Variants in RUNX2 observed in about 807,000 individuals in gnomAD.
The protein encoded by RUNX2 is RUNX family transcription factor 2, also known as runt-related transcription factor 2.
RUNX2 carries 10 observed loss-of-function variants against 51.7 expected under a neutral mutation model. That is an observed-to-expected ratio of 0.19 (90% confidence interval 0.12 to 0.33). The LOEUF is 0.33. Among genes scored for constraint, RUNX2 ranks in the 10% least tolerant of loss-of-function variants. The pLI is 1.00. For missense variants in RUNX2, 562 were observed against 691.3 expected, an observed-to-expected ratio of 0.81 and a Z score of 2.10; for synonymous variants, 276 against 273.6, an observed-to-expected ratio of 1.01 and a Z score of -0.09.
chr6:45,463,463 G>A (rs758612620), intron 5 of RUNX2, among the ~76,000 whole-genome samples: 2 of 152,176 alleles, frequency 1.3e-5, no homozygotes, highest in African/African-American at 2.4e-5. Flanking sequence ...CTTTCTAGCT[G>A]GGGAGAAAAA....
At position 45,419,286 on chromosome 6, in the gene RUNX2, G is replaced by A. The variant is rs558284768; in HGVS notation, c.59-3307G>A. Among the ~76,000 whole-genome samples the A allele has an allele frequency of 3.0e-4, 46 of 152,202 alleles. No individual in the cohort carries two copies. In the South Asian group the frequency reaches 9.5e-3, roughly 32 times the overall value. ...ACCATGGTAGTTATGGAATTTTGGT[G>A]TCACTTTTACCATAGAAATAATCAA... is the stretch of plus-strand genomic sequence containing the variant. On this transcript the variant is annotated intron_variant, in intron 2 of 8. Transcript: ENST00000647337.
chr6:45,450,791 T>C (rs1799147506), intron 5 of RUNX2, among the ~76,000 whole-genome samples: 1 of 152,104 alleles, frequency 6.6e-6, no homozygotes, highest in Non-Finnish European at 1.5e-5. Flanking sequence ...AATATCTAAT[T>C]TTGCAAGGTG....
intron 2 of RUNX2, among the ~76,000 whole-genome samples, chr6:45,361,994 T>C (rs557155829): frequency 5.3e-5 from 8 of 152,106 alleles, no homozygotes; most frequent in African/African-American, 1.9e-4. Flanking sequence ...GAGTTTACAG[T>C]GAGCAGAGAT....
chr6:45,542,185 C>T (rs561538250), intron 7 of RUNX2, among the ~76,000 whole-genome samples: 9 of 152,190 alleles, frequency 5.9e-5, no homozygotes, highest in African/African-American at 2.2e-4. Flanking sequence ...CACACACTTT[C>T]CACTTGAAGA....
chr6:45,529,837 T>C (rs1381457014), intron 7 of RUNX2, among the ~76,000 whole-genome samples: 1 of 152,152 alleles, frequency 6.6e-6, no homozygotes, highest in Non-Finnish European at 1.5e-5. Context: ...ACAATACACA[T>C]GTGTGTAATG....
chr6:45,403,148 A>G (rs1582074853), intron 2 of RUNX2, among the ~76,000 whole-genome samples: 1 of 128,876 alleles, frequency 7.8e-6, no homozygotes, highest in African/African-American at 3.3e-5. Flanking sequence ...AAAAAATAGG[A>G]TTTAAGGATT....
At chr6:45,337,227 T>A (rs1028550975) in intron 2 of RUNX2, among the ~76,000 whole-genome samples, 2 of 151,706 alleles carry the variant, frequency 1.3e-5, no homozygotes, top group Non-Finnish European at 3.0e-5. Flanking sequence ...AAGAATCACA[T>A]CCAATCCCTA....
At chr6:45,532,162 A>ATTTTTTTTT (rs3055521) in intron 7 of RUNX2, among the ~76,000 whole-genome samples, 6 of 85,120 alleles carry the variant, frequency 7.0e-5, no homozygotes, top group Non-Finnish European at 1.1e-4. Context: ...GAAAACCTAG[A>ATTTTTTTTT]TTTTTTTTTT....
At chr6:45,514,878 G>T (rs1419565995) in intron 7 of RUNX2, among the ~76,000 whole-genome samples, 1 of 151,688 alleles carries the variant, frequency 6.6e-6, no homozygotes, top group Non-Finnish European at 1.5e-5. Context: ...CAATGTCTAA[G>T]TCCATGACCT....
At position 45,471,734 on chromosome 6, in the gene RUNX2, G is replaced by A. The variant is rs530818422; in HGVS notation, c.686-20207G>A. Among the ~76,000 whole-genome samples, 3 of 152,210 alleles carry A rather than the reference G, an allele frequency of 2.0e-5. No individual in the cohort carries two copies. In the East Asian group the frequency reaches 5.8e-4, roughly 29 times the overall value. On this transcript the variant is annotated intron_variant, in intron 5 of 8. Coordinates refer to ENST00000647337, the MANE Select transcript of RUNX2 (RefSeq NM_001024630.4). Reference sequence around the variant, plus strand: ...TTACAGGCGTGAGCCACCGCTGCCCGGCCAACATTTTCAAAGCTATTTAAA... The same window carrying A: ...TTACAGGCGTGAGCCACCGCTGCCCAGCCAACATTTTCAAAGCTATTTAAA...
chr6:45,510,570 A>G (rs1360073234), intron 6 of RUNX2, among the ~76,000 whole-genome samples: 1 of 152,104 alleles, frequency 6.6e-6, no homozygotes, highest in Non-Finnish European at 1.5e-5. Context: ...TATTATACTC[A>G]TTTTTACTTT....
At chr6:45,505,674 A>C (rs1446887744) in intron 6 of RUNX2, among the ~76,000 whole-genome samples, 3 of 151,986 alleles carry the variant, frequency 2.0e-5, no homozygotes, top group Non-Finnish European at 2.9e-5. Flanking sequence ...CAGAGGAACC[A>C]CCCCTCTCCC....
chr6:45,357,139 T>C (rs549870359), intron 2 of RUNX2, among the ~76,000 whole-genome samples: 1 of 152,194 alleles, frequency 6.6e-6, no homozygotes, highest in East Asian at 1.9e-4. Flanking sequence ...CCAGAGTAGC[T>C]GGGACTACAG....
chr6:45,350,229 AATGGTGC>A, intron 2 of RUNX2, among the ~76,000 whole-genome samples: 1 of 152,318 alleles, frequency 6.6e-6, no homozygotes, highest in Admixed American at 6.5e-5. Flanking sequence ...CAGAGCCTAG[AATGGTGC>A]ATAGTACACA....
intron 2 of RUNX2, among the ~76,000 whole-genome samples, chr6:45,368,863 G>C (rs1485200612): frequency 6.6e-6 from 1 of 151,596 alleles, no homozygotes; most frequent in African/African-American, 2.4e-5. Flanking sequence ...AATTCCAAAG[G>C]CAGGAAACAA....
chr6:45,372,917 A>C (rs895845006), intron 2 of RUNX2, among the ~76,000 whole-genome samples: 8 of 152,124 alleles, frequency 5.3e-5, no homozygotes, highest in Non-Finnish European at 4.4e-5. Context: ...TCCAGGGTTC[A>C]AGCGATTCTG....
intron 5 of RUNX2, among the ~76,000 whole-genome samples, chr6:45,474,119 C>A (rs555476292): frequency 6.6e-6 from 1 of 151,974 alleles, no homozygotes; most frequent in Non-Finnish European, 1.5e-5. Flanking sequence ...TTCTGTCTGT[C>A]CAAACCCTTA....
intron 7 of RUNX2, among the ~76,000 whole-genome samples, chr6:45,530,274 T>C (rs969274114): frequency 2.0e-5 from 3 of 152,230 alleles, no homozygotes; most frequent in African/African-American, 7.2e-5. Context: ...AATGTCTAGT[T>C]AGAAGTTTGA....
chr6:45,493,764 A>G (rs1800557822), intron 6 of RUNX2, among the ~76,000 whole-genome samples: 2 of 151,634 alleles, frequency 1.3e-5, no homozygotes, highest in Non-Finnish European at 2.9e-5. Flanking sequence ...GTGTTTGTAG[A>G]AGCAAATGTA....
Sources: gnomAD v4.1 joint callset for allele counts (sites outside exome capture counted in the v4.1 genomes callset) on GRCh38, gnomAD v4.1.1 for gene constraint, MANE v1.5 for transcripts, NCBI Gene and HGNC (gene_info 2026-07-23, HGNC 2026-07-21) for gene names.